The following HERC2 variants were observed in gnomAD, a reference collection of about 807,000 sequenced individuals.
HERC2 encodes the protein HECT and RLD domain containing E3 ubiquitin protein ligase 2, also known as E3 ubiquitin-protein ligase HERC2.
In HERC2, 102 loss-of-function variants were observed where a neutral mutation model predicts 537.7. The ratio of observed to expected loss-of-function variants is 0.19; its 90% CI spans 0.16 to 0.22. The LOEUF is 0.22. HERC2 is among the 10% of genes least tolerant of loss of function. The pLI, the probability that HERC2 is intolerant of heterozygous loss-of-function variation, is 1.00. For synonymous variants in HERC2, 2,224 were observed against 2,466.2 expected, an observed-to-expected ratio of 0.90 and a Z score of 2.91; for missense variants, 4,236 against 6,198.2, an observed-to-expected ratio of 0.68 and a Z score of 10.63.
intron 59 of HERC2, among the ~76,000 whole-genome samples, 180 bp downstream of exon 59, chr15:28,178,707 G>T (rs1347354976): frequency 6.6e-6 from 1 of 152,210 alleles, no homozygotes; most frequent in African/African-American, 2.4e-5. Context: ...TTTAGGCAAA[G>T]AACTTGATTT....
chr15:28,111,556 G>C lies in HERC2; in HGVS notation c.*207C>G, dbSNP rs998123779. ...ATTACGGGTGAGAAGACCCTTGGAA[G>C]TCGAGCGTCCACAGTGTTCCACGCG... On this transcript the variant is annotated 3_prime_UTR_variant, in exon 93 of 93. Coordinates refer to ENST00000261609, the MANE Select transcript of HERC2 (RefSeq NM_004667.6). The C allele has an allele frequency of 4.2e-5, 25 of 591,924 alleles. No homozygotes were observed. In the African/African-American group the frequency reaches 4.5e-4, roughly 11 times the overall value. 36.7% of individuals were successfully genotyped at this position (591,924 alleles called of 1,614,324 possible).
chr15:28,138,288 G>A (rs1404055489), intron 78 of HERC2, among the ~76,000 whole-genome samples: 1 of 152,122 alleles, frequency 6.6e-6, no homozygotes, highest in African/African-American at 2.4e-5. Flanking sequence ...CAACGTAGAT[G>A]GAACAACCGT....
intron 3 of HERC2, among the ~76,000 whole-genome samples, chr15:28,294,599 G>C (rs913166785): frequency 6.6e-6 from 1 of 150,670 alleles, no homozygotes; most frequent in Non-Finnish European, 1.5e-5. Context: ...CCTCCTTATC[G>C]CGGAAACCCG....
chr15:28,218,846 T>C (rs1900214453), intron 37 of HERC2, among the ~76,000 whole-genome samples, 175 bp from the exon 38 acceptor site: 1 of 152,136 alleles, frequency 6.6e-6, no homozygotes, highest in Non-Finnish European at 1.5e-5. Context: ...TGTGTTCTTT[T>C]TTCCTTTGAG....
chr15:28,142,294 G>A lies in HERC2; in HGVS notation c.11644C>T (p.Arg3882Cys), dbSNP rs770256896. The A allele has an allele frequency of 7.4e-6, 12 of 1,614,076 alleles. No homozygotes were observed. Among genetic ancestry groups the A allele is most frequent in the South Asian group, 5.5e-5 (5 of 91,086 alleles). ...AWFRRYCMASRVAVALDKRTP... is the reference protein window; with the variant it reads ...AWFRRYCMASCVAVALDKRTP... ...CTTTTGTCAAGGGCCACAGCAACAC[G>A]GGAGGCCATGCAGTACCTCCGGAAC... The change falls in exon 76 of 93, where the codon CGT becomes TGT. Residue 3882 changes from arginine to cysteine, a missense_variant. This residue lies in a region of HERC2 where 156 missense variants were observed against 172.3 expected (regional missense o/e 0.91). Transcript: ENST00000261609.
intron 48 of HERC2, among the ~76,000 whole-genome samples, chr15:28,199,733 G>A (rs1181366085): frequency 6.6e-6 from 1 of 152,140 alleles, no homozygotes; most frequent in Non-Finnish European, 1.5e-5. Context: ...GTTGAGATGG[G>A]GCCGGAGGGA....
intron 2 of HERC2, among the ~76,000 whole-genome samples, chr15:28,313,792 A>G (rs1196059866): frequency 6.6e-6 from 1 of 152,208 alleles, no homozygotes; most frequent in Non-Finnish European, 1.5e-5. Context: ...ACATCCTAGA[A>G]GCAGTAAGAT....
chr15:28,189,029 G>A (rs1018472812), intron 55 of HERC2, among the ~76,000 whole-genome samples: 6 of 152,004 alleles, frequency 3.9e-5, no homozygotes, highest in African/African-American at 7.3e-5. Flanking sequence ...TGGTGGTTGC[G>A]GTAAGCTGAG....
At position 28,122,948 on chromosome 15, in the gene HERC2, T is replaced by C. The variant is rs865986195; in HGVS notation, c.13188+1089A>G. Among the ~76,000 whole-genome samples, 27 of 152,154 alleles carry C rather than the reference T, an allele frequency of 1.8e-4. No homozygotes were observed. The highest frequency in any genetic ancestry group is 4.2e-4 in the South Asian group (2 of 4,814). ...TTCTCCCTACAAAGAAAGGTTTTTTTCCTCTGTGCTGCCTATTATCATCAC... is the reference window on the plus strand; with the variant it reads ...TTCTCCCTACAAAGAAAGGTTTTTTCCCTCTGTGCTGCCTATTATCATCAC... On this transcript the variant is annotated intron_variant, in intron 85 of 92. Coordinates refer to ENST00000261609, the MANE Select transcript of HERC2 (RefSeq NM_004667.6). This position sits in a 1 kb window ranked among gnomAD's most constrained non-coding sequence, Gnocchi z 4.1.
intron 15 of HERC2, among the ~76,000 whole-genome samples, chr15:28,262,340 G>A (rs2075436798): frequency 6.6e-6 from 1 of 152,184 alleles, no homozygotes; most frequent in African/African-American, 2.4e-5. Context: ...TTCTTGCAGA[G>A]ACTCCCATCC....
chr15:28,186,524 G>T (rs1896323269), intron 56 of HERC2, 53 bp downstream of exon 56: 1 of 1,444,416 alleles, frequency 6.9e-7, no homozygotes, highest in East Asian at 2.3e-5. Flanking sequence ...CGAAAGTGAG[G>T]ATCCAGGAAT....
At chr15:28,242,480 C>T (rs147124122) in intron 23 of HERC2, among the ~76,000 whole-genome samples, 16 of 152,278 alleles carry the variant, frequency 1.1e-4, no homozygotes, top group Admixed American at 5.2e-4. Flanking sequence ...TGGAAACTAA[C>T]GGGTTGCATG....
rs1429512483 is a variant in HERC2 at position 28,111,152 on chromosome 15, G to A, written c.*611C>T. 1 of 152,534 alleles carries A rather than the reference G, an allele frequency of 6.6e-6. No homozygotes were observed. The highest frequency in any genetic ancestry group is 1.5e-5 in the Non-Finnish European group (1 of 68,262). 9.4% of individuals were successfully genotyped at this position (152,534 alleles called of 1,614,324 possible). On this transcript the variant is annotated 3_prime_UTR_variant, in exon 93 of 93. Transcript: ENST00000261609. ...GAAGTTATGATGCTGTTCACAGAAA[G>A]GCCTCAATTCAGATGACATAATGCA...
intron 43 of HERC2, among the ~76,000 whole-genome samples, chr15:28,211,863 T>C (rs1899275013): frequency 6.6e-6 from 1 of 151,880 alleles, no homozygotes; most frequent in Non-Finnish European, 1.5e-5. Flanking sequence ...TCAAGAAGAG[T>C]GGGCAGAATA....
chr15:28,191,319 T>G, intron 53 of HERC2, 75 bp from the exon 54 acceptor site: 1 of 890,536 alleles, frequency 1.1e-6, no homozygotes. Flanking sequence ...ATAGTATCGT[T>G]GAAGCTTGAA....
chr15:28,232,968 A>G (rs1335352910), intron 30 of HERC2, among the ~76,000 whole-genome samples, 178 bp downstream of exon 30: 1 of 152,240 alleles, frequency 6.6e-6, no homozygotes, highest in Non-Finnish European at 1.5e-5. Flanking sequence ...TTGTCTGATT[A>G]CTTGGAAAAA....
intron 81 of HERC2, 119 bp downstream of exon 81, chr15:28,131,981 A>T: frequency 3.1e-5 from 25 of 808,470 alleles, no homozygotes; most frequent in Non-Finnish European, 4.2e-5. Context: ...AAGTGCTCCT[A>T]AGGAGCACAC....
At chr15:28,249,521 G>T (rs1213715516) in intron 20 of HERC2, among the ~76,000 whole-genome samples, 1 of 152,198 alleles carries the variant, frequency 6.6e-6, no homozygotes, top group Non-Finnish European at 1.5e-5. Context: ...ACAAGGGCAG[G>T]AGAACAACAC....
rs147032710 is a variant in HERC2 at position 28,271,690 on chromosome 15, AT to A, written c.1083+524del. 4.5e-3 allele frequency among the ~76,000 whole-genome samples: 679 copies of A among 152,296 alleles called. 1 individual carries two copies. The highest frequency in any genetic ancestry group is 0.016 in the African/African-American group (648 of 41,558). On this transcript the variant is annotated intron_variant, in intron 9 of 92. Transcript: ENST00000261609. ...TCTAAGGAAAAAAAAAAGACTGCCA[AT>A]AATAGAAAAATTAAACCAAAGCACG...
Sources: gnomAD v4.1 joint callset for allele counts (sites outside exome capture counted in the v4.1 genomes callset) on GRCh38, gnomAD v4.1.1 for gene constraint, gnomAD v4.1.1 regional missense constraint, Gnocchi (gnomAD v3.1) non-coding constraint, MANE v1.5 for transcripts, NCBI Gene and HGNC (gene_info 2026-07-23, HGNC 2026-07-21) for gene names.